The following WDR70 variants were observed in gnomAD, a reference collection of about 807,000 sequenced individuals.
WDR70 encodes WD repeat-containing protein 70.
Under a neutral mutation model 88.6 loss-of-function variants are expected in WDR70, and 53 were observed. That is an observed-to-expected ratio of 0.60 (90% CI 0.48 to 0.75). The LOEUF is 0.75. Among genes scored for constraint, WDR70 ranks in the 30% least tolerant of loss-of-function variants. The pLI is 0.00. For missense variants in WDR70, 610 were observed against 823.2 expected, an observed-to-expected ratio of 0.74 and a Z score of 3.17; for synonymous variants, 280 against 270.0, an observed-to-expected ratio of 1.04 and a Z score of -0.36.
At position 37,479,988 on chromosome 5, in the gene WDR70, G is replaced by A. The variant is rs763636784; in HGVS notation, c.840+1G>A. The A allele has an allele frequency of 6.2e-7, 1 of 1,610,614 alleles. No individual in the cohort carries two copies. The highest frequency in any genetic ancestry group is 1.1e-5 in the South Asian group (1 of 90,506). ...TATTGTGGACATGGCCAACACCAAG[G>A]TAAGCATTAAACAGAATATTTTAAT... On this transcript the variant is annotated splice_donor_variant, in intron 8 of 17. Coordinates refer to ENST00000265107, the MANE Select transcript of WDR70 (RefSeq NM_018034.4). LOFTEE classifies it high-confidence loss of function.
At chr5:37,403,633 T>C (rs1348192666) in intron 5 of WDR70, among the ~76,000 whole-genome samples, 1 of 152,240 alleles carries the variant, frequency 6.6e-6, no homozygotes, top group Non-Finnish European at 1.5e-5. Context: ...GTGGAGTGGC[T>C]AGATATTTTA....
intron 10 of WDR70, among the ~76,000 whole-genome samples, chr5:37,614,922 A>G (rs893478641): frequency 2.6e-5 from 4 of 152,144 alleles, no homozygotes; most frequent in African/African-American, 9.7e-5. Context: ...CAAGGAAAAA[A>G]TTATTCTCTC....
Position 37,620,873 on chromosome 5 carries a change from G to A in WDR70, c.1092+15635G>A, listed in dbSNP as rs142379953. ...GAAATGAAAACAGAAAAAATGGTTT[G>A]GGGTGTTGAATGAGCAGAGGTCATC... is the stretch of plus-strand genomic sequence containing the variant. On this transcript the variant is annotated intron_variant, in intron 10 of 17. Coordinates refer to ENST00000265107, the MANE Select transcript of WDR70 (RefSeq NM_018034.4). Among the ~76,000 whole-genome samples the A allele has an allele frequency of 6.6e-5, 10 of 152,242 alleles. No homozygotes were observed. The East Asian group carries it at 1.9e-3, about 29-fold the overall frequency.
At chr5:37,727,673 T>C (rs1246287246) in intron 17 of WDR70, among the ~76,000 whole-genome samples, 2 of 152,122 alleles carry the variant, frequency 1.3e-5, no homozygotes, top group East Asian at 3.9e-4. Context: ...ACTCCTGGGC[T>C]CAAAGGATTC....
chr5:37,632,769 T>C (rs1744852972), intron 10 of WDR70, among the ~76,000 whole-genome samples: 1 of 152,238 alleles, frequency 6.6e-6, no homozygotes, highest in Non-Finnish European at 1.5e-5. Flanking sequence ...TTAATAATTT[T>C]AGTATAGCCT....
At chr5:37,711,307 A>G (rs1747504666) in intron 13 of WDR70, among the ~76,000 whole-genome samples, 1 of 152,034 alleles carries the variant, frequency 6.6e-6, no homozygotes, top group African/African-American at 2.4e-5. Context: ...TCTCAATATT[A>G]TTTTCCAGAG....
intron 5 of WDR70, among the ~76,000 whole-genome samples, chr5:37,428,528 A>G (rs1177058747): frequency 1.3e-5 from 2 of 152,188 alleles, no homozygotes; most frequent in South Asian, 2.1e-4. Context: ...ACACTGTACA[A>G]ACTCTTCTGT....
intron 10 of WDR70, among the ~76,000 whole-genome samples, chr5:37,647,667 TGA>T (rs1369068364): frequency 6.6e-6 from 1 of 152,252 alleles, no homozygotes; most frequent in Non-Finnish European, 1.5e-5. Flanking sequence ...GGATAAGATC[TGA>T]AGGAATTCTC....
At chr5:37,423,876 C>T (rs1428126407) in intron 5 of WDR70, among the ~76,000 whole-genome samples, 4 of 145,698 alleles carry the variant, frequency 2.7e-5, no homozygotes, top group East Asian at 2.2e-4. Context: ...CTTGAACTCC[C>T]GGTGGCTCAT....
intron 7 of WDR70, 52 bp downstream of exon 7, chr5:37,443,424 T>C (rs1247974252): frequency 6.3e-7 from 1 of 1,593,026 alleles, no homozygotes; most frequent in Non-Finnish European, 8.6e-7. Flanking sequence ...GTCTTCACAT[T>C]GGAAGACAGT....
At chr5:37,467,689 C>G (rs1172287208) in intron 7 of WDR70, among the ~76,000 whole-genome samples, 4 of 151,962 alleles carry the variant, frequency 2.6e-5, no homozygotes, top group Non-Finnish European at 5.9e-5. Context: ...GTGCCCGCCA[C>G]TGCGCCCGGC....
At chr5:37,600,561 A>G (rs1743849711) in intron 9 of WDR70, among the ~76,000 whole-genome samples, 1 of 151,444 alleles carries the variant, frequency 6.6e-6, no homozygotes, top group African/African-American at 2.4e-5. Flanking sequence ...CTAGAATTCA[A>G]TAAAATGACA....
intron 9 of WDR70, among the ~76,000 whole-genome samples, chr5:37,563,917 C>G: frequency 7.1e-6 from 1 of 140,794 alleles, no homozygotes; most frequent in Non-Finnish European, 1.6e-5. Flanking sequence ...ACGCTCCTCA[C>G]ATCCCAGACG....
chr5:37,566,850 G>A (rs996472609), intron 9 of WDR70, among the ~76,000 whole-genome samples: 6 of 152,218 alleles, frequency 3.9e-5, no homozygotes, highest in African/African-American at 1.4e-4. Flanking sequence ...TTAGTGAGGA[G>A]ATATGCTGTA....
At chr5:37,419,620 C>T (rs62360222) in intron 5 of WDR70, among the ~76,000 whole-genome samples, 1 of 151,722 alleles carries the variant, frequency 6.6e-6, no homozygotes, top group Non-Finnish European at 1.5e-5. Flanking sequence ...TCGAGACCAG[C>T]CAGGCCAACA....
Position 37,469,383 on chromosome 5 carries a change from G to A in WDR70, c.687-10451G>A, listed in dbSNP as rs1739258949. On this transcript the variant is annotated intron_variant, in intron 7 of 17. Transcript: ENST00000265107. ...TGGCCTCCTACACTGTGTTTTGGACGATTGGTGATGTCTTGGATATTCTGT... is the reference window on the plus strand; with the variant it reads ...TGGCCTCCTACACTGTGTTTTGGACAATTGGTGATGTCTTGGATATTCTGT... 3.9e-5 allele frequency among the ~76,000 whole-genome samples: 6 copies of A among 152,166 alleles called. No homozygotes were observed. In the South Asian group the frequency reaches 1.0e-3, roughly 26 times the overall value.
intron 10 of WDR70, among the ~76,000 whole-genome samples, chr5:37,695,115 G>A (rs1024202821): frequency 1.3e-5 from 2 of 152,144 alleles, no homozygotes; most frequent in African/African-American, 2.4e-5. Flanking sequence ...TACAGTCTTG[G>A]TAGAAGGCAA....
chr5:37,470,823 G>A (rs1417930237), intron 7 of WDR70, among the ~76,000 whole-genome samples: 1 of 151,868 alleles, frequency 6.6e-6, no homozygotes, highest in African/African-American at 2.4e-5. Context: ...CTTTTCTGTT[G>A]GGTATATACT....
intron 10 of WDR70, among the ~76,000 whole-genome samples, chr5:37,695,248 G>A (rs1025193839): frequency 1.3e-5 from 2 of 152,124 alleles, no homozygotes; most frequent in African/African-American, 4.8e-5. Flanking sequence ...AGGGACTGGT[G>A]CTAAACCATT....
Sources: allele counts gnomAD v4.1 joint callset (sites outside exome capture counted in the v4.1 genomes callset), GRCh38; gene constraint gnomAD v4.1.1; transcripts MANE v1.5; gene names NCBI Gene and HGNC (gene_info 2026-07-23, HGNC 2026-07-21).